The following NDUFAF5 variants were observed in gnomAD, a reference collection of about 807,000 sequenced individuals.
The protein encoded by NDUFAF5 is NADH:ubiquinone oxidoreductase complex assembly factor 5, also known as arginine-hydroxylase NDUFAF5, mitochondrial.
NDUFAF5 carries 34 observed loss-of-function variants against 48.9 expected under a neutral mutation model. The observed-to-expected ratio is 0.70, with a 90% CI of 0.53 to 0.93. The LOEUF is 0.93. Among genes scored for constraint, NDUFAF5 ranks in the 40% least tolerant of loss-of-function variants. NDUFAF5 has a pLI of 0.00. For synonymous variants in NDUFAF5, 153 were observed against 150.6 expected, an observed-to-expected ratio of 1.02 and a Z score of -0.12; for missense variants, 428 against 427.5, an observed-to-expected ratio of 1.00 and a Z score of -0.01.
chr20:13,786,494 TGA>T (rs1434447239), intron 1 of NDUFAF5, among the ~76,000 whole-genome samples: 25 of 151,284 alleles, frequency 1.7e-4, no homozygotes, highest in Non-Finnish European at 1.3e-4. Context: ...ATAAAGTATA[TGA>T]GAGTTCTTTT....
chr20:13,817,137 G>A lies in NDUFAF5; in HGVS notation c.965G>A (p.Gly322Asp), dbSNP rs140825882. Reference protein sequence around the residue: ...HESQARPAERGSATVSFGELG... With the variant: ...HESQARPAERDSATVSFGELG... ...TTTCAGGCAAGACCAGCTGAAAGAG[G>A]TTCCGCAACTGTGTCATTTGGAGAG... The change falls in exon 11 of 11, where the codon GGT becomes GAT. Residue 322 changes from glycine to aspartate, a missense_variant. Coordinates refer to ENST00000378106, the MANE Select transcript of NDUFAF5 (RefSeq NM_024120.5). The A allele has an allele frequency of 6.2e-7, 1 of 1,613,896 alleles. No individual in the cohort carries two copies. The highest frequency in any genetic ancestry group is 2.2e-5 in the East Asian group (1 of 44,856).
Position 13,818,432 on chromosome 20 carries a change from T to C in NDUFAF5, c.*1222T>C, listed in dbSNP as rs1986747570. ...ACCTGTGAAGTAGAATTTGGCGTTT[T>C]GTTTTTTGGGGTTTTTTTTTTTTTT... is the stretch of plus-strand genomic sequence containing the variant. On this transcript the variant is annotated 3_prime_UTR_variant, in exon 11 of 11. Transcript: ENST00000378106. 1 of 332,320 alleles carries C rather than the reference T, an allele frequency of 3.0e-6. No homozygotes were observed. Among genetic ancestry groups the C allele is most frequent in the South Asian group, 2.4e-5 (1 of 41,586 alleles). 20.6% of individuals were successfully genotyped at this position (332,320 alleles called of 1,614,324 possible). A position where few individuals can be genotyped will look rare whatever the true frequency, so the allele number is the denominator to read the frequency against.
At chr20:13,795,866 T>A (rs1339927244) in intron 5 of NDUFAF5, among the ~76,000 whole-genome samples, 1 of 152,176 alleles carries the variant, frequency 6.6e-6, no homozygotes, top group African/African-American at 2.4e-5. Context: ...AGATTACTCT[T>A]TTCCCTTTAT....
chr20:13,811,709 A>C (rs1985888452), intron 8 of NDUFAF5, among the ~76,000 whole-genome samples: 1 of 152,194 alleles, frequency 6.6e-6, no homozygotes, highest in South Asian at 2.1e-4. Flanking sequence ...TATATGCAAA[A>C]ATAAACTATT....
intron 4 of NDUFAF5, 119 bp from the exon 5 acceptor site, chr20:13,794,719 A>G: frequency 1.4e-6 from 1 of 734,446 alleles, no homozygotes; most frequent in Non-Finnish European, 2.4e-6. Flanking sequence ...ACCTTTGGGA[A>G]GGGGGGTAGA....
rs768612524 is a variant in NDUFAF5, at chr20:13,785,309, G to A, written c.222+19G>A. The A allele has an allele frequency of 2.1e-5, 33 of 1,574,276 alleles. No homozygotes were observed. The highest frequency in any genetic ancestry group is 2.7e-5 in the African/African-American group (2 of 74,566). On this transcript the variant is annotated intron_variant, in intron 1 of 10. Coordinates refer to ENST00000378106, the MANE Select transcript of NDUFAF5 (RefSeq NM_024120.5). ...GGAGGAGGTGAGCCCGCGGGGCGGC[G>A]GGGCGGCGGGGCGGGCGACGCGGAG...
At chr20:13,793,251 G>T (rs754392168) in intron 4 of NDUFAF5, 24 bp downstream of exon 4, 1 of 1,577,334 alleles carries the variant, frequency 6.3e-7, no homozygotes, top group Non-Finnish European at 8.7e-7. Context: ...TAATACTGTT[G>T]GTTTCTAATC....
At chr20:13,811,474 G>T (rs1348262995) in intron 8 of NDUFAF5, among the ~76,000 whole-genome samples, 4 of 152,136 alleles carry the variant, frequency 2.6e-5, no homozygotes, top group African/African-American at 9.7e-5. Flanking sequence ...CAGTACTGGA[G>T]TGTAGAGGAA....
At chr20:13,808,054 G>T (rs1985330163) in intron 7 of NDUFAF5, among the ~76,000 whole-genome samples, 1 of 152,208 alleles carries the variant, frequency 6.6e-6, no homozygotes, top group Non-Finnish European at 1.5e-5. Flanking sequence ...GTGCTGGTGG[G>T]ACAGCCCATC....
intron 6 of NDUFAF5, among the ~76,000 whole-genome samples, chr20:13,799,379 G>A (rs981481201): frequency 1.3e-5 from 2 of 152,104 alleles, no homozygotes; most frequent in African/African-American, 4.8e-5. Context: ...ATAGCTCTGC[G>A]AGATGTATTT....
intron 1 of NDUFAF5, among the ~76,000 whole-genome samples, chr20:13,786,848 T>G (rs1981247327): frequency 6.6e-6 from 1 of 152,212 alleles, no homozygotes; most frequent in African/African-American, 2.4e-5. Flanking sequence ...GAAAAGTTGT[T>G]CATTTATGAG....
intron 4 of NDUFAF5, 86 bp downstream of exon 4, chr20:13,793,313 T>C: frequency 8.3e-7 from 1 of 1,205,816 alleles, no homozygotes; most frequent in East Asian, 2.4e-5. Context: ...TCCTTCAAAC[T>C]AGCTTTCTTT....
In NDUFAF5 at chr20:13,817,221, A is replaced by G. The variant is rs773327107; in HGVS notation, c.*11A>G. ...AAAAAATCACAATAAATATTTATTC[A>G]GTGTTAATGTCGTCCAGAATTTTCA... is the stretch of plus-strand genomic sequence containing the variant. On this transcript the variant is annotated 3_prime_UTR_variant, in exon 11 of 11. Transcript: ENST00000378106. 2 of 1,587,192 alleles carry G rather than the reference A, an allele frequency of 1.3e-6. No homozygotes were observed. Among genetic ancestry groups the G allele is most frequent in the Non-Finnish European group, 1.7e-6 (2 of 1,155,418 alleles).
chr20:13,811,668 T>C (rs2423746), intron 8 of NDUFAF5, among the ~76,000 whole-genome samples: 142,710 of 152,214 alleles, frequency 0.94, 67,086 homozygotes, highest in African/African-American at 0.98. Context: ...AGGATACAGA[T>C]CAAACTCTGA....
At chr20:13,812,257 C>A (rs1199005709) in intron 8 of NDUFAF5, among the ~76,000 whole-genome samples, 1 of 152,102 alleles carries the variant, frequency 6.6e-6, no homozygotes, top group Non-Finnish European at 1.5e-5. Flanking sequence ...TGAAATCTTA[C>A]CATTGTCATC....
chr20:13,794,790 G>T (rs1364563336), intron 4 of NDUFAF5, 48 bp from the exon 5 acceptor site: 2 of 1,113,528 alleles, frequency 1.8e-6, no homozygotes, highest in Non-Finnish European at 2.7e-6. Flanking sequence ...GTTAGTAATT[G>T]AGATTCTACA....
chr20:13,811,691 A>G (rs1402443946), intron 8 of NDUFAF5, among the ~76,000 whole-genome samples: 1 of 152,244 alleles, frequency 6.6e-6, no homozygotes, highest in Non-Finnish European at 1.5e-5. Context: ...GAGGTTAGAT[A>G]TGCAAAATAT....
rs541362316 is a variant in NDUFAF5 at position 13,809,069 on chromosome 20, A to C, written c.778+167A>C. ...AGGAGAAAGCAGACTGTCTTCATGG[A>C]GCTTCTGATATAAAATGGAGGAGGC... is the stretch of plus-strand genomic sequence containing the variant. On this transcript the variant is annotated intron_variant, in intron 8 of 10. Coordinates refer to ENST00000378106, the MANE Select transcript of NDUFAF5 (RefSeq NM_024120.5). The C allele has an allele frequency of 3.2e-4, 203 of 625,544 alleles. 1 individual carries two copies. In the South Asian group the frequency reaches 3.7e-3, roughly 11 times the overall value. 38.7% of individuals were successfully genotyped at this position (625,544 alleles called of 1,614,324 possible).
intron 7 of NDUFAF5, among the ~76,000 whole-genome samples, chr20:13,807,125 C>T (rs1985142124): frequency 6.6e-6 from 1 of 151,526 alleles, no homozygotes; most frequent in African/African-American, 2.4e-5. Flanking sequence ...CGGCTCACTG[C>T]AACCTCTGCC....
Sources: allele counts gnomAD v4.1 joint callset (sites outside exome capture counted in the v4.1 genomes callset), GRCh38; gene constraint gnomAD v4.1.1; transcripts MANE v1.5; gene names NCBI Gene and HGNC (gene_info 2026-07-23, HGNC 2026-07-21).